The following SFI1 variants were observed in gnomAD, a reference collection of about 807,000 sequenced individuals.
The protein encoded by SFI1 is SFI1 centrin binding protein, also known as protein SFI1 homolog.
Under a neutral mutation model 207.5 loss-of-function variants are expected in SFI1, and 195 were observed. The ratio of observed to expected loss-of-function variants is 0.94; its 90% confidence interval spans 0.84 to 1.06. The LOEUF (loss-of-function observed/expected upper bound fraction) is 1.06, where lower values mean the gene tolerates loss of function less well. Ranked by LOEUF, SFI1 falls within the 50% of genes least tolerant of loss-of-function variation. The pLI is 0.00. For missense variants in SFI1, 1,634 were observed against 1,588.0 expected (o/e 1.03, Z -0.49); for synonymous variants, 630 against 598.9 (o/e 1.05, Z -0.76).
chr22:31,512,064 C>T (rs919606284), intron 2 of SFI1, among the ~76,000 whole-genome samples: 9 of 152,046 alleles, frequency 5.9e-5, no homozygotes, highest in East Asian at 1.9e-4. Context: ...GGTTATTGGC[C>T]GGCGCAGTGG....
chr22:31,562,191 A>G (rs779880116), intron 8 of SFI1, among the ~76,000 whole-genome samples: 7 of 152,170 alleles, frequency 4.6e-5, no homozygotes, highest in Non-Finnish European at 7.3e-5. Flanking sequence ...ATTCATTTAT[A>G]TATCATCTGA....
intron 15 of SFI1, among the ~76,000 whole-genome samples, chr22:31,590,951 T>TTTTA (rs200262154): frequency 0.098 from 14,074 of 144,132 alleles, 968 homozygotes; most frequent in East Asian, 0.37. Context: ...ACTTTTTTCT[T>TTTTA]TTTATTTATT....
intron 20 of SFI1, 194 bp downstream of exon 20, chr22:31,605,139 G>C: frequency 4.4e-6 from 2 of 456,518 alleles, no homozygotes; most frequent in Non-Finnish European, 7.7e-6. Flanking sequence ...CTGTGTGCAG[G>C]GCAGGACCTT....
intron 2 of SFI1, among the ~76,000 whole-genome samples, chr22:31,521,002 CAAAAAAAAAAA>C (rs57346699): frequency 2.1e-5 from 1 of 47,488 alleles, no homozygotes; most frequent in East Asian, 5.9e-4. Flanking sequence ...GACCCTGTCT[CAAAAAAAAAAA>C]AAAAAAAAAA....
intron 2 of SFI1, among the ~76,000 whole-genome samples, chr22:31,512,835 T>C (rs1441915402): frequency 2.6e-5 from 4 of 152,006 alleles, no homozygotes; most frequent in Admixed American, 6.6e-5. Flanking sequence ...TACAGGCGCC[T>C]GCCACCACGC....
At position 31,602,595 on chromosome 22, in the gene SFI1, G is replaced by A. The variant is rs1293312694; in HGVS notation, c.1627-12G>A. 1.9e-6 allele frequency: 3 copies of A among 1,613,706 alleles called. No homozygotes were observed. The highest frequency in any genetic ancestry group is 2.7e-5 in the African/African-American group (2 of 74,874). ...TGATTTATTCTGTTCTCTCCTTCCT[G>A]TCCTGCCTCAGGCCATCCTTCACGC... On this transcript the variant is annotated splice_polypyrimidine_tract_variant and intron_variant, in intron 16 of 32. Coordinates refer to ENST00000400288, the MANE Select transcript of SFI1 (RefSeq NM_001007467.3).
intron 13 of SFI1, 69 bp from the exon 14 acceptor site, chr22:31,584,999 G>A (rs566539516): frequency 4.0e-5 from 57 of 1,418,314 alleles, no homozygotes; most frequent in Middle Eastern, 1.8e-4. Flanking sequence ...TAACTGTACC[G>A]CAATTTACCT....
intron 2 of SFI1, among the ~76,000 whole-genome samples, chr22:31,522,064 C>CTT (rs752422385): frequency 0.074 from 5,609 of 76,298 alleles, 719 homozygotes; most frequent in Non-Finnish European, 0.099. Context: ...TACACCTGGC[C>CTT]TTTTTTTTTT....
At chr22:31,570,122 C>CAATAAATAAATA (rs59801672) in intron 8 of SFI1, among the ~76,000 whole-genome samples, 63 of 146,814 alleles carry the variant, frequency 4.3e-4, no homozygotes, top group East Asian at 1.2e-3. Flanking sequence ...GAGACTCTGT[C>CAATAAATAAATA]AATAAATAAA....
intron 4 of SFI1, among the ~76,000 whole-genome samples, chr22:31,537,210 A>T (rs2059082080): frequency 6.6e-6 from 1 of 152,156 alleles, no homozygotes; most frequent in South Asian, 2.1e-4. Flanking sequence ...CAAGATGACT[A>T]TTCTAGCTTT....
Position 31,613,787 on chromosome 22 carries a change from G to T in SFI1, c.2928G>T (p.Arg976Ser), listed in dbSNP as rs1182672796. The T allele has an allele frequency of 6.2e-7, 1 of 1,612,406 alleles. No individual in the cohort carries two copies. Residue 976 changes from arginine (R) to serine (S), a missense_variant, in exon 27 of 33, where the codon AGG (arginine) becomes AGT (serine). By Grantham distance (110) the Arg-to-Ser change is moderately radical (BLOSUM62 -1). Coordinates refer to ENST00000400288, the MANE Select transcript of SFI1 (RefSeq NM_001007467.3). ...GGGATGGCACCCTTGAGACCAAGAG[G>T]CCACAGGCTTCTCGGCCTCTGGGAG... ...GAGDGTLETK[R>S]PQASRPLGAL...
rs747129938 is a variant in SFI1 at position 31,606,309 on chromosome 22, C to T, written c.2055-19C>T. On this transcript the variant is annotated intron_variant, in intron 20 of 32. Coordinates refer to ENST00000400288, the MANE Select transcript of SFI1 (RefSeq NM_001007467.3). ...CTATCCTGGTGTCATCTGCCTTCCT[C>T]GCACCCATGCATCTGCAGCGGGGCA... The T allele has an allele frequency of 2.1e-5, 34 of 1,610,076 alleles. 1 individual carries two copies. The highest frequency in any genetic ancestry group is 1.7e-4 in the Middle Eastern group (1 of 6,056).
intron 5 of SFI1, among the ~76,000 whole-genome samples, chr22:31,549,454 T>TCTCCTGCCTCAGCCTCC (rs773545163): frequency 6.6e-6 from 1 of 151,592 alleles, no homozygotes; most frequent in African/African-American, 2.4e-5. Flanking sequence ...TTCAAGCCAT[T>TCTCCTGCCTCAGCCTCC]CTCCTGCCTC....
In SFI1 at chr22:31,528,732, G is replaced by C. The variant is rs1035201335; in HGVS notation, c.135G>C (p.Lys45Asn). 1 of 1,614,138 alleles carries C rather than the reference G, an allele frequency of 6.2e-7. No individual in the cohort carries two copies. The highest frequency in any genetic ancestry group is 1.7e-5 in the Admixed American group (1 of 59,998). Reference sequence around the variant, plus strand: ...CAGTTAAGAAACCTTATTCTGCAAAGACACTGTCCAACAAGAAGTCTTCTG... The same window carrying C: ...CAGTTAAGAAACCTTATTCTGCAAACACACTGTCCAACAAGAAGTCTTCTG... ...DGAVKKPYSAKTLSNKKSSAS... is the reference protein window; with the variant it reads ...DGAVKKPYSANTLSNKKSSAS... Residue 45 changes from lysine to asparagine, a missense_variant, in exon 3 of 33, where the codon AAG becomes AAC. Physicochemically the swap from Lys to Asn is moderately conservative, Grantham distance 94. Transcript: ENST00000400288.
At chr22:31,498,649 T>TAAA (rs35069980) in intron 1 of SFI1, among the ~76,000 whole-genome samples, 2 of 143,626 alleles carry the variant, frequency 1.4e-5, no homozygotes, top group Non-Finnish European at 3.0e-5. Flanking sequence ...AGACTCCGTC[T>TAAA]AAAAAAAAAA....
At chr22:31,581,392 G>A (rs998705936) in intron 12 of SFI1, among the ~76,000 whole-genome samples, 4 of 151,744 alleles carry the variant, frequency 2.6e-5, no homozygotes, top group Non-Finnish European at 5.9e-5. Flanking sequence ...AAGTTCAAGC[G>A]ATTCTCATGT....
At chr22:31,506,453 T>C (rs1026572844) in intron 1 of SFI1, among the ~76,000 whole-genome samples, 3 of 152,184 alleles carry the variant, frequency 2.0e-5, no homozygotes, top group African/African-American at 7.2e-5. Context: ...AATCTTGGCC[T>C]CTACTGGTGT....
rs377169663 is a variant in SFI1 at position 31,586,887 on chromosome 22, G to A, written c.1413+1753G>A. ...AAGGTATAGCGGGTCTGAAAAATGG[G>A]AAGAGCACTGCTTAGTCATTCCTAA... On this transcript the variant is annotated intron_variant, in intron 14 of 32. Coordinates refer to ENST00000400288, the MANE Select transcript of SFI1 (RefSeq NM_001007467.3). Among the ~76,000 whole-genome samples the A allele has an allele frequency of 3.7e-4, 56 of 152,282 alleles. 2 individuals are homozygous for A. The South Asian group carries it at 0.01, about 28-fold the overall frequency.
chr22:31,582,202 CATTTTATATATATATATA>C lies in SFI1; in HGVS notation c.1249-1672_1249-1655del, dbSNP rs1331734512. On this transcript the variant is annotated intron_variant, in intron 12 of 32. Coordinates refer to ENST00000400288, the MANE Select transcript of SFI1 (RefSeq NM_001007467.3). ...TTCCCCCAACAACACTTCTTTATTA[CATTTTATATATATATATA>C]TATATATATATATATATTTTTTTTT... is the stretch of plus-strand genomic sequence containing the variant. 1.6e-3 allele frequency among the ~76,000 whole-genome samples: 70 copies of C among 42,450 alleles called. 4 individuals carry two copies. Among genetic ancestry groups the C allele is most frequent in the Admixed American group, 2.7e-3 (6 of 2,250 alleles). The allele number at this position is 42,450 out of a possible 152,430, so 27.8% of individuals were successfully genotyped here.
Sources: allele counts gnomAD v4.1 joint callset (sites outside exome capture counted in the v4.1 genomes callset), GRCh38; gene constraint gnomAD v4.1.1; transcripts MANE v1.5; gene names NCBI Gene and HGNC (gene_info 2026-07-23, HGNC 2026-07-21).